PTPRD: variants seen among roughly 807,000 people sequenced by gnomAD.
The protein encoded by PTPRD is receptor-type tyrosine-protein phosphatase delta.
In PTPRD, 34 loss-of-function variants were observed where a neutral mutation model predicts 214.5. The ratio of observed to expected loss-of-function variants is 0.16; its 90% CI spans 0.12 to 0.21. PTPRD has a LOEUF of 0.21. PTPRD is among the 10% of genes least tolerant of loss of function. The pLI is 1.00. For synonymous variants in PTPRD, 1,128 were observed against 845.7 expected (o/e 1.33, Z -5.79); for missense variants, 2,545 against 2,398.7 (o/e 1.06, Z -1.27).
intron 10 of PTPRD, among the ~76,000 whole-genome samples, chr9:9,135,961 T>C (rs989035442): frequency 2.0e-5 from 3 of 151,232 alleles, no homozygotes; most frequent in Admixed American, 6.6e-5. Flanking sequence ...CGTTATTTTT[T>C]CATGTGAAAT....
At chr9:10,318,153 G>T (rs1317049799) in intron 3 of PTPRD, among the ~76,000 whole-genome samples, 1 of 151,956 alleles carries the variant, frequency 6.6e-6, no homozygotes, top group Non-Finnish European at 1.5e-5. Context: ...ATGGAGGCTT[G>T]CTCTTCCTGC....
intron 9 of PTPRD, among the ~76,000 whole-genome samples, chr9:9,382,719 AC>A (rs1596784365): frequency 6.6e-6 from 1 of 152,118 alleles, no homozygotes; most frequent in East Asian, 1.9e-4. Flanking sequence ...GTAAAACAGT[AC>A]AGCTATTATG....
chr9:10,109,131 G>T (rs2098665998), intron 3 of PTPRD, among the ~76,000 whole-genome samples: 1 of 152,168 alleles, frequency 6.6e-6, no homozygotes, highest in Non-Finnish European at 1.5e-5. Flanking sequence ...CAGCAAAGTT[G>T]ATTCCTTAAA....
At chr9:8,411,183 G>A (rs1383760524) in intron 35 of PTPRD, among the ~76,000 whole-genome samples, 1 of 151,934 alleles carries the variant, frequency 6.6e-6, no homozygotes, top group Non-Finnish European at 1.5e-5. Context: ...CTGTAGAAAA[G>A]ATTATTTTTG....
At position 8,314,776 on chromosome 9, in the gene PTPRD, T is replaced by C. The variant is rs1820920549; in HGVS notation, c.*3098A>G. 4.3e-6 allele frequency: 1 copy of C among 232,358 alleles called. No individual in the cohort carries two copies. Among genetic ancestry groups the C allele is most frequent in the Non-Finnish European group, 8.5e-6 (1 of 117,268 alleles). The allele number at this position is 232,358 out of a possible 1,614,324, so 14.4% of individuals were successfully genotyped here. Reference sequence around the variant, plus strand: ...GTTGTGTTATTTACATACACACAAATGAATTTCCGAAGCAGTTTCTTACAG... The same window carrying C: ...GTTGTGTTATTTACATACACACAAACGAATTTCCGAAGCAGTTTCTTACAG... On this transcript the variant is annotated 3_prime_UTR_variant, in exon 46 of 46. Transcript: ENST00000381196.
intron 35 of PTPRD, among the ~76,000 whole-genome samples, chr9:8,423,715 T>C (rs575115386): frequency 1.8e-4 from 27 of 152,266 alleles, no homozygotes; most frequent in Admixed American, 9.8e-4. Context: ...AGGTAGACTC[T>C]GGTCTATAAC....
intron 2 of PTPRD, among the ~76,000 whole-genome samples, chr9:10,518,739 A>T (rs538483341): frequency 4.3e-4 from 66 of 151,978 alleles, no homozygotes; most frequent in Admixed American, 3.9e-4. Context: ...TTACCGTGTT[A>T]GCCAAGATGG....
At chr9:9,102,760 A>G (rs1197186485) in intron 10 of PTPRD, among the ~76,000 whole-genome samples, 4 of 152,234 alleles carry the variant, frequency 2.6e-5, no homozygotes, top group Non-Finnish European at 5.9e-5. Context: ...ACAAATTAAT[A>G]TTTTCAGGAA....
chr9:9,978,104 A>ACACACACACACGCACACACACG (rs145366920), intron 4 of PTPRD, among the ~76,000 whole-genome samples: 1 of 151,102 alleles, frequency 6.6e-6, no homozygotes, highest in Non-Finnish European at 1.5e-5. Context: ...ATTAAAACAC[A>ACACACACACACGCACACACACG]CACACACACA....
At chr9:9,437,660 A>C (rs1052246139) in intron 8 of PTPRD, among the ~76,000 whole-genome samples, 3 of 152,154 alleles carry the variant, frequency 2.0e-5, no homozygotes, top group African/African-American at 7.2e-5. Flanking sequence ...CTTCTGAATC[A>C]CATTAAAGAT....
intron 2 of PTPRD, among the ~76,000 whole-genome samples, chr9:10,570,029 A>C (rs1262357216): frequency 1.3e-5 from 2 of 152,148 alleles, no homozygotes; most frequent in Non-Finnish European, 2.9e-5. Flanking sequence ...ATTTTCGTAT[A>C]AAACTATGAT....
At chr9:10,060,833 TTCCTTCCTTC>T (rs1567404751) in intron 3 of PTPRD, among the ~76,000 whole-genome samples, 11 of 128,458 alleles carry the variant, frequency 8.6e-5, no homozygotes, top group African/African-American at 4.7e-4. Context: ...TCTTTCTTCC[TTCCTTCCTTC>T]CTTTCCTTTC....
intron 9 of PTPRD, among the ~76,000 whole-genome samples, chr9:9,389,254 T>C (rs1339789494): frequency 6.6e-6 from 1 of 152,234 alleles, no homozygotes; most frequent in African/African-American, 2.4e-5. Flanking sequence ...CTCACGCCTG[T>C]AATTCCACCA....
intron 9 of PTPRD, among the ~76,000 whole-genome samples, chr9:9,274,802 A>T (rs1191208535): frequency 6.7e-6 from 1 of 150,272 alleles, no homozygotes. Context: ...TTTTATTATT[A>T]AACCAGCATC....
At chr9:10,119,687 A>C (rs530145086) in intron 3 of PTPRD, among the ~76,000 whole-genome samples, 1 of 152,130 alleles carries the variant, frequency 6.6e-6, no homozygotes, top group Non-Finnish European at 1.5e-5. Context: ...AATAATTTAA[A>C]AGTAGATGCA....
At chr9:8,592,661 T>G (rs968127199) in intron 14 of PTPRD, among the ~76,000 whole-genome samples, 2 of 152,210 alleles carry the variant, frequency 1.3e-5, no homozygotes, top group African/African-American at 4.8e-5. Context: ...TGACAAAGGT[T>G]GAATATCGTG....
intron 10 of PTPRD, among the ~76,000 whole-genome samples, chr9:9,112,823 C>G (rs1408437592): frequency 6.6e-6 from 1 of 152,052 alleles, no homozygotes; most frequent in Non-Finnish European, 1.5e-5. Context: ...ATTCATGGGA[C>G]CATAGCAAAT....
At chr9:9,755,535 T>C (rs2010252) in intron 6 of PTPRD, among the ~76,000 whole-genome samples, 1 of 152,076 alleles carries the variant, frequency 6.6e-6, no homozygotes, top group Admixed American at 6.6e-5. Context: ...GTTTTATATT[T>C]TTCTAAAGGT....
intron 5 of PTPRD, among the ~76,000 whole-genome samples, chr9:9,794,525 GGTAA>G (rs1565319602): frequency 6.6e-6 from 1 of 151,924 alleles, no homozygotes; most frequent in East Asian, 1.9e-4. Flanking sequence ...AAAATAGAGA[GGTAA>G]GTGAGGGATA....
Sources: gnomAD v4.1 joint callset for allele counts (sites outside exome capture counted in the v4.1 genomes callset) on GRCh38, gnomAD v4.1.1 for gene constraint, MANE v1.5 for transcripts, NCBI Gene and HGNC (gene_info 2026-07-23, HGNC 2026-07-21) for gene names.